The following TRANK1 variants were observed in gnomAD, a reference collection of about 807,000 sequenced individuals.
TRANK1 encodes the protein tetratricopeptide repeat and ankyrin repeat containing 1.
Under a neutral mutation model 266.0 loss-of-function variants are expected in TRANK1, and 198 were observed. The ratio of observed to expected loss-of-function variants is 0.74; its 90% CI spans 0.66 to 0.84. The LOEUF is 0.84. TRANK1 is among the 40% of genes least tolerant of loss of function. The pLI is 0.00. For missense variants in TRANK1, 3,326 were observed against 3,634.6 expected (o/e 0.92, Z 2.18); for synonymous variants, 1,396 against 1,384.1 (o/e 1.01, Z -0.19).
At position 36,855,331 on chromosome 3, in the gene TRANK1, C is replaced by T; in HGVS notation, c.4391G>A (p.Gly1464Glu). ...INDPNSMFLTGDTAQSIMKGV... is the reference protein window; with the variant it reads ...INDPNSMFLTEDTAQSIMKGV... ...CTTCATGATGCTCTGGGCCGTGTCCCCCGTGAGGAACATAGAGTTGGGGTC... is the reference window on the plus strand; with the variant it reads ...CTTCATGATGCTCTGGGCCGTGTCCTCCGTGAGGAACATAGAGTTGGGGTC... The change falls in exon 13 of 24, where the codon GGG (glycine) becomes GAG (glutamate). Residue 1464 changes from glycine (G) to glutamate (E), a missense_variant. Gly to Glu is a moderately conservative substitution (Grantham distance 98). Transcript: ENST00000645898. The T allele has an allele frequency of 1.9e-6, 3 of 1,614,044 alleles. No individual in the cohort carries two copies. Among genetic ancestry groups the T allele is most frequent in the Non-Finnish European group, 2.5e-6 (3 of 1,179,896 alleles).
chr3:36,858,152 G>T, intron 12 of TRANK1, 103 bp from the exon 13 acceptor site: 1 of 978,524 alleles, frequency 1.0e-6, no homozygotes, highest in Non-Finnish European at 1.5e-6. Context: ...ATCTCAGAAT[G>T]CTGAACTCCC....
intron 20 of TRANK1, among the ~76,000 whole-genome samples, chr3:36,835,146 C>A (rs1389423275): frequency 6.6e-6 from 1 of 151,208 alleles, no homozygotes; most frequent in Non-Finnish European, 1.5e-5. Flanking sequence ...GGTGAAACCC[C>A]GTCTCTACTA....
chr3:36,919,735 T>G (rs1057325735), intron 1 of TRANK1, among the ~76,000 whole-genome samples: 1 of 152,236 alleles, frequency 6.6e-6, no homozygotes. Context: ...AAAGCAGTGT[T>G]TTGTGTATAT....
chr3:36,935,073 G>GA (rs1293496587), intron 1 of TRANK1, among the ~76,000 whole-genome samples: 1 of 152,108 alleles, frequency 6.6e-6, no homozygotes, highest in Admixed American at 6.6e-5. Flanking sequence ...AAGACCCCAA[G>GA]ATCACCCAGG....
intron 14 of TRANK1, 46 bp from the exon 15 acceptor site, chr3:36,851,902 G>C (rs973029947): frequency 6.5e-7 from 1 of 1,544,506 alleles, no homozygotes; most frequent in African/African-American, 1.4e-5. Flanking sequence ...GAAAACCCCA[G>C]TAAGCCTCAG....
At chr3:36,901,108 T>G (rs1048854022) in intron 3 of TRANK1, among the ~76,000 whole-genome samples, 4 of 150,936 alleles carry the variant, frequency 2.7e-5, no homozygotes, top group African/African-American at 7.3e-5. Context: ...GTTGTTTTTT[T>G]TTTTTTTTTT....
At chr3:36,911,155 G>C (rs771840284) in intron 1 of TRANK1, among the ~76,000 whole-genome samples, 8 of 152,046 alleles carry the variant, frequency 5.3e-5, no homozygotes, top group East Asian at 1.9e-4. Flanking sequence ...GGTTGAAAAG[G>C]CATATTGTAA....
intron 1 of TRANK1, chr3:36,929,549 C>G (rs1319297077): frequency 1.3e-5 from 2 of 152,172 alleles, no homozygotes; most frequent in Non-Finnish European, 2.9e-5. Flanking sequence ...ATAAAAGTGG[C>G]TTTTTAAGTA....
chr3:36,831,821 G>A lies in TRANK1; in HGVS notation c.7762C>T (p.His2588Tyr). The change falls in exon 22 of 24, where the codon CAC becomes TAC. Residue 2588 changes from histidine to tyrosine, a missense_variant. Coordinates refer to ENST00000645898, the MANE Select transcript of TRANK1 (RefSeq NM_001329998.2). This position sits in a 1 kb window ranked among gnomAD's most constrained non-coding sequence, Gnocchi z 5.0. The stretch of plus-strand genomic sequence containing the variant: ...AGCCTTGACTCAATCTCCCGGAAGT[G>A]GCGATACAGGAGAGGCTTGCAGTAT... ...QPYCKPLLYR[H>Y]FREIESRLQL... 6.2e-7 allele frequency: 1 copy of A among 1,614,006 alleles called. No homozygotes were observed. The highest frequency in any genetic ancestry group is 8.5e-7 in the Non-Finnish European group (1 of 1,179,890).
intron 15 of TRANK1, chr3:36,849,890 G>T: frequency 2.5e-6 from 1 of 407,890 alleles, no homozygotes; most frequent in Non-Finnish European, 3.3e-6. Context: ...TGTGTACACA[G>T]GATGAAGTGG....
At chr3:36,897,877 C>G (rs2079815558) in intron 4 of TRANK1, among the ~76,000 whole-genome samples, 1 of 152,198 alleles carries the variant, frequency 6.6e-6, no homozygotes, top group African/African-American at 2.4e-5. Context: ...TTACACTGTG[C>G]TTTACCAGTT....
In TRANK1 at chr3:36,857,025, C is replaced by T; in HGVS notation, c.2697G>A (p.Met899Ile). 1 of 1,613,978 alleles carries T rather than the reference C, an allele frequency of 6.2e-7. No homozygotes were observed. The highest frequency in any genetic ancestry group is 8.5e-7 in the Non-Finnish European group (1 of 1,179,864). Reference protein sequence around the residue: ...FEAKLDKGARMLWELAIDFSP... With the variant: ...FEAKLDKGARILWELAIDFSP... ...AGAAGTCAATGGCGAGCTCCCAGAG[C>T]ATCCGGGCTCCTTTGTCCAGCTTAG... Residue 899 changes from methionine to isoleucine, a missense_variant, in exon 13 of 24, where the codon ATG (methionine) becomes ATA (isoleucine). Physicochemically the swap from Met to Ile is conservative, Grantham distance 10 (BLOSUM62 1). Coordinates refer to ENST00000645898, the MANE Select transcript of TRANK1 (RefSeq NM_001329998.2). This position sits in a 1 kb window ranked among gnomAD's most constrained non-coding sequence, Gnocchi z 4.3.
intron 1 of TRANK1, among the ~76,000 whole-genome samples, chr3:36,932,058 A>C (rs2080367294): frequency 6.6e-6 from 1 of 152,248 alleles, no homozygotes; most frequent in African/African-American, 2.4e-5. Flanking sequence ...AATTCAAAAG[A>C]GCTTTAGTGC....
At chr3:36,846,918 T>A (rs1469618272) in intron 16 of TRANK1, among the ~76,000 whole-genome samples, 1 of 152,152 alleles carries the variant, frequency 6.6e-6, no homozygotes, top group Non-Finnish European at 1.5e-5. Context: ...TATGATTGCA[T>A]CAAAATTTCT....
chr3:36,889,928 GATCCATTAACC>G lies in TRANK1; in HGVS notation c.797_807del (p.Trp266SerfsTer10). ...ATGCGGCCTTTCCACTCGGGCTTGTGATCCATTAACCACCGGAAAAGATGGTTTTCTCCTGA... is the reference window on the plus strand; with the variant it reads ...ATGCGGCCTTTCCACTCGGGCTTGTGACCGGAAAAGATGGTTTTCTCCTGA... On this transcript the variant is annotated frameshift_variant, in exon 8 of 24. Transcript: ENST00000645898. LOFTEE classifies it high-confidence loss of function. The G allele has an allele frequency of 3.3e-6, 5 of 1,537,190 alleles. No individual in the cohort carries two copies. Among genetic ancestry groups the G allele is most frequent in the Non-Finnish European group, 2.6e-6 (3 of 1,146,906 alleles).
chr3:36,848,233 T>C (rs2078940826), intron 15 of TRANK1, among the ~76,000 whole-genome samples: 1 of 152,208 alleles, frequency 6.6e-6, no homozygotes, highest in African/African-American at 2.4e-5. Flanking sequence ...AAATTTAATA[T>C]AATTTTTATA....
chr3:36,899,636 G>A (rs2079846151), intron 3 of TRANK1, among the ~76,000 whole-genome samples: 1 of 152,162 alleles, frequency 6.6e-6, no homozygotes, highest in Non-Finnish European at 1.5e-5. Flanking sequence ...TCCAGCCTGG[G>A]CAACAGACTT....
chr3:36,849,373 T>C (rs2078958061), intron 15 of TRANK1, among the ~76,000 whole-genome samples: 1 of 152,154 alleles, frequency 6.6e-6, no homozygotes, highest in Non-Finnish European at 1.5e-5. Flanking sequence ...ACAAAAAGCT[T>C]TGGGGTAGCC....
chr3:36,836,117 G>T (rs554996126), intron 20 of TRANK1, among the ~76,000 whole-genome samples: 1 of 152,310 alleles, frequency 6.6e-6, no homozygotes, highest in South Asian at 2.1e-4. Flanking sequence ...GCTGACTGTG[G>T]TCAAGAATGT....
Sources: gnomAD v4.1 joint callset for allele counts (sites outside exome capture counted in the v4.1 genomes callset) on GRCh38, gnomAD v4.1.1 for gene constraint, Gnocchi (gnomAD v3.1) non-coding constraint, MANE v1.5 for transcripts, NCBI Gene and HGNC (gene_info 2026-07-23, HGNC 2026-07-21) for gene names.